Variants in MAGI2 observed in about 807,000 individuals in gnomAD.
MAGI2 encodes membrane-associated guanylate kinase, WW and PDZ domain-containing protein 2.
Under a neutral mutation model 133.3 loss-of-function variants are expected in MAGI2, and 35 were observed. The ratio of observed to expected loss-of-function variants is 0.26; its 90% CI spans 0.20 to 0.35. The LOEUF is 0.35. Ranked by LOEUF, MAGI2 falls within the 10% of genes least tolerant of loss-of-function variation. The pLI, the probability that MAGI2 is intolerant of heterozygous loss-of-function variation, is 1.00. For missense variants in MAGI2, 1,636 were observed against 1,863.4 expected, an observed-to-expected ratio of 0.88 and a Z score of 2.25; for synonymous variants, 729 against 710.6, an observed-to-expected ratio of 1.03 and a Z score of -0.41.
At chr7:78,248,528 C>A (rs1266948174) in intron 10 of MAGI2, among the ~76,000 whole-genome samples, 1 of 152,122 alleles carries the variant, frequency 6.6e-6, no homozygotes, top group Non-Finnish European at 1.5e-5. Flanking sequence ...ACAAGAGACT[C>A]ACATTAACCT....
intron 2 of MAGI2, among the ~76,000 whole-genome samples, chr7:78,765,343 C>CGTTTTTT (rs71931638): frequency 1.1e-5 from 1 of 89,056 alleles, no homozygotes; most frequent in Non-Finnish European, 2.0e-5. Flanking sequence ...TAGTGCACAT[C>CGTTTTTT]TTTTTTTTTT....
chr7:79,448,642 G>T (rs1340937856), intron 1 of MAGI2, among the ~76,000 whole-genome samples: 1 of 152,066 alleles, frequency 6.6e-6, no homozygotes, highest in Non-Finnish European at 1.5e-5. Flanking sequence ...TTTAACCATT[G>T]CTCTACCCCA....
chr7:78,776,580 A>C (rs1826006220), intron 2 of MAGI2, among the ~76,000 whole-genome samples: 1 of 152,224 alleles, frequency 6.6e-6, no homozygotes, highest in South Asian at 2.1e-4. Context: ...AATTATTTTC[A>C]ATATTTCCAT....
rs1369788547 is a variant in MAGI2 at position 78,654,740 on chromosome 7, TATATATATAG to T, written c.419-27511_419-27502del. 8.0e-3 allele frequency among the ~76,000 whole-genome samples: 640 copies of T among 79,768 alleles called. 6 individuals are homozygous for T. The highest frequency in any genetic ancestry group is 0.028 in the South Asian group (59 of 2,080). 52.3% of individuals were successfully genotyped at this position (79,768 alleles called of 152,430 possible). On this transcript the variant is annotated intron_variant, in intron 2 of 21. Transcript: ENST00000354212. ...ATATATATATATATATATATATATA[TATATATATAG>T]CATATATTTTGCATCGCAACTGGAA...
At chr7:78,687,839 A>G (rs950205865) in intron 2 of MAGI2, among the ~76,000 whole-genome samples, 1 of 151,720 alleles carries the variant, frequency 6.6e-6, no homozygotes, top group Non-Finnish European at 1.5e-5. Context: ...CAGTATTGGC[A>G]TACACCTGTA....
intron 2 of MAGI2, among the ~76,000 whole-genome samples, chr7:78,670,246 G>T (rs931860572): frequency 4.6e-5 from 7 of 152,094 alleles, no homozygotes; most frequent in Non-Finnish European, 1.0e-4. Flanking sequence ...AAATCAATGT[G>T]CAGAAATCAC....
intron 9 of MAGI2, among the ~76,000 whole-genome samples, chr7:78,293,449 G>A (rs2151048463): frequency 6.6e-6 from 1 of 152,348 alleles, no homozygotes; most frequent in East Asian, 1.9e-4. Flanking sequence ...GTGCTGGAGA[G>A]GATGTGGAGA....
chr7:79,205,755 G>GT, intron 1 of MAGI2, among the ~76,000 whole-genome samples: 1 of 141,542 alleles, frequency 7.1e-6, no homozygotes, highest in Non-Finnish European at 1.5e-5. Context: ...AAATGTAGAG[G>GT]GGTGTGTGTG....
At chr7:78,152,371 T>A (rs1440628899) in intron 16 of MAGI2, among the ~76,000 whole-genome samples, 1 of 152,034 alleles carries the variant, frequency 6.6e-6, no homozygotes, top group Non-Finnish European at 1.5e-5. Context: ...TGCCCCAGGG[T>A]CTTGAATGGA....
At chr7:78,208,135 CTTTT>C (rs71085515) in intron 10 of MAGI2, among the ~76,000 whole-genome samples, 169 of 115,594 alleles carry the variant, frequency 1.5e-3, no homozygotes, top group South Asian at 3.6e-3. Context: ...CCCAAAGTGG[CTTTT>C]TTTTTTTTTT....
At chr7:78,669,241 C>T (rs1356023216) in intron 2 of MAGI2, among the ~76,000 whole-genome samples, 3 of 152,124 alleles carry the variant, frequency 2.0e-5, no homozygotes, top group African/African-American at 7.2e-5. Flanking sequence ...AAGGGGATAT[C>T]ACCACCGATC....
At chr7:78,881,857 A>T (rs1025661790) in intron 2 of MAGI2, among the ~76,000 whole-genome samples, 2 of 151,920 alleles carry the variant, frequency 1.3e-5, no homozygotes, top group Non-Finnish European at 2.9e-5. Flanking sequence ...AAAGATTTCA[A>T]ATTAATGATC....
At chr7:78,054,628 GGGAA>G (rs1483733642) in intron 21 of MAGI2, among the ~76,000 whole-genome samples, 1 of 149,368 alleles carries the variant, frequency 6.7e-6, no homozygotes, top group Non-Finnish European at 1.5e-5. Context: ...ACCTTCTGGA[GGGAA>G]GGACCTGACT....
chr7:78,653,512 T>C (rs1039938559), intron 2 of MAGI2, among the ~76,000 whole-genome samples: 1 of 152,106 alleles, frequency 6.6e-6, no homozygotes, highest in Non-Finnish European at 1.5e-5. Context: ...GAAACCATCT[T>C]TCTCAGCAAA....
intron 1 of MAGI2, among the ~76,000 whole-genome samples, chr7:79,174,124 G>A (rs1007436280): frequency 1.3e-5 from 2 of 152,016 alleles, no homozygotes; most frequent in African/African-American, 4.8e-5. Context: ...GTTCACGTGT[G>A]TCAGCGTGTT....
chr7:78,305,350 C>T (rs956022832), intron 9 of MAGI2, among the ~76,000 whole-genome samples: 7 of 152,146 alleles, frequency 4.6e-5, no homozygotes, highest in Middle Eastern at 3.2e-3. Flanking sequence ...TCTGTACTGT[C>T]GTTGCTGCTC....
intron 2 of MAGI2, among the ~76,000 whole-genome samples, chr7:78,712,862 C>T (rs919047017): frequency 1.3e-5 from 2 of 151,938 alleles, no homozygotes; most frequent in Non-Finnish European, 2.9e-5. Context: ...ATCCCCAAGA[C>T]AAATGGAAAG....
At chr7:78,638,331 T>C (rs1809899291) in intron 2 of MAGI2, among the ~76,000 whole-genome samples, 1 of 152,248 alleles carries the variant, frequency 6.6e-6, no homozygotes, top group Admixed American at 6.5e-5. Flanking sequence ...TGATTTCATT[T>C]ATTCATACAT....
chr7:78,663,024 A>G (rs1412368411), intron 2 of MAGI2, among the ~76,000 whole-genome samples: 4 of 152,120 alleles, frequency 2.6e-5, no homozygotes, highest in Non-Finnish European at 5.9e-5. Context: ...AAATCTGGCC[A>G]TCTGGTTCTA....
Sources: allele counts gnomAD v4.1 joint callset (sites outside exome capture counted in the v4.1 genomes callset), GRCh38; gene constraint gnomAD v4.1.1; transcripts MANE v1.5; gene names NCBI Gene and HGNC (gene_info 2026-07-23, HGNC 2026-07-21).